KAZN: variants seen among roughly 807,000 people sequenced by gnomAD.
KAZN encodes kazrin, periplakin interacting protein.
KAZN carries 40 observed loss-of-function variants against 87.4 expected under a neutral mutation model. That is an observed-to-expected ratio of 0.46 (90% CI 0.36 to 0.60). The LOEUF is 0.60. Among genes scored for constraint, KAZN ranks in the 20% least tolerant of loss-of-function variants. KAZN has a pLI of 0.00. For missense variants in KAZN, 898 were observed against 1,073.9 expected (o/e 0.84, Z 2.29); for synonymous variants, 466 against 458.3 (o/e 1.02, Z -0.22).
chr1:14,603,708 A>G (rs1220659873), intron 1 of KAZN, among the ~76,000 whole-genome samples: 1 of 152,138 alleles, frequency 6.6e-6, no homozygotes, highest in Non-Finnish European at 1.5e-5. Context: ...TTCCAGGGTA[A>G]GGCATGATAG....
intron 3 of KAZN, among the ~76,000 whole-genome samples, chr1:15,036,355 C>T (rs775185431): frequency 8.9e-4 from 129 of 144,386 alleles, no homozygotes; most frequent in Non-Finnish European, 1.4e-3. Context: ...CCTGCCTGCT[C>T]GGCCCAGCCC....
Position 14,945,597 on chromosome 1 carries a change from G to C in KAZN, c.227-15087G>C, listed in dbSNP as rs1661672520. On this transcript the variant is annotated intron_variant, in intron 1 of 14. Coordinates refer to ENST00000376030, the MANE Select transcript of KAZN (RefSeq NM_201628.3). ...CCCGGCTCCAGCTCCGGTGGGGAGA[G>C]CCTCAAACACTGCTCGTTAGTGACT... 2.0e-5 allele frequency among the ~76,000 whole-genome samples: 3 copies of C among 152,196 alleles called. No individual in the cohort carries two copies. The South Asian group carries it at 6.2e-4, about 32-fold the overall frequency.
chr1:14,342,607 T>G (rs1335748414), intron 2 of KAZN, among the ~76,000 whole-genome samples: 1 of 152,044 alleles, frequency 6.6e-6, no homozygotes, highest in Non-Finnish European at 1.5e-5. Context: ...CCGAACCCAA[T>G]GCTTGGCACA....
chr1:14,138,411 G>T (rs890138936), intron 1 of KAZN, among the ~76,000 whole-genome samples: 12 of 152,152 alleles, frequency 7.9e-5, no homozygotes, highest in Non-Finnish European at 1.6e-4. Flanking sequence ...ACTCTTAGAA[G>T]TTAAGAAAGT....
chr1:14,844,701 C>T (rs936366701), intron 1 of KAZN, among the ~76,000 whole-genome samples: 5 of 152,116 alleles, frequency 3.3e-5, no homozygotes, highest in Non-Finnish European at 5.9e-5. Context: ...AATGATGCTA[C>T]TTTCAGTCTC....
intron 2 of KAZN, among the ~76,000 whole-genome samples, chr1:14,266,888 TTTATTA>T (rs942952765): frequency 2.0e-5 from 3 of 151,940 alleles, no homozygotes; most frequent in Non-Finnish European, 2.9e-5. Context: ...TTCTTTTTAT[TTTATTA>T]TTATTATTAT....
At chr1:14,635,565 GC>G (rs1207847764) in intron 1 of KAZN, among the ~76,000 whole-genome samples, 1 of 152,146 alleles carries the variant, frequency 6.6e-6, no homozygotes, top group Non-Finnish European at 1.5e-5. Flanking sequence ...GACTGCTACT[GC>G]TGCTGCTGTT....
chr1:14,092,953 A>G (rs550471197), intron 1 of KAZN, among the ~76,000 whole-genome samples: 1 of 152,304 alleles, frequency 6.6e-6, no homozygotes, highest in African/African-American at 2.4e-5. Context: ...TTGGCTATGC[A>G]TGTTCTTAGA....
At chr1:14,683,824 A>C (rs1237278099) in intron 1 of KAZN, among the ~76,000 whole-genome samples, 1 of 152,104 alleles carries the variant, frequency 6.6e-6, no homozygotes, top group Non-Finnish European at 1.5e-5. Flanking sequence ...TGAGACAGCC[A>C]TTATTTCTTC....
rs1263703809 is a variant in KAZN, at chr1:14,406,718, A to G, written c.250-192265A>G. On this transcript the variant is annotated intron_variant, in intron 2 of 16. Transcript: ENST00000636203. The stretch of plus-strand genomic sequence containing the variant: ...TTAAAAAATTAAAATGATTAAATAA[A>G]CAAGTATTAATCTCATCCTAAAACA... 3.3e-5 allele frequency among the ~76,000 whole-genome samples: 5 copies of G among 152,222 alleles called. No individual in the cohort carries two copies. In the East Asian group the frequency reaches 5.8e-4, roughly 18 times the overall value.
chr1:14,164,910 G>C (rs1459395397), intron 1 of KAZN, among the ~76,000 whole-genome samples: 1 of 152,172 alleles, frequency 6.6e-6, no homozygotes, highest in East Asian at 1.9e-4. Context: ...ATTGTAATTT[G>C]GGGGAGAAGT....
chr1:14,087,994 GTTTT>G (rs372871125), intron 1 of KAZN, among the ~76,000 whole-genome samples: 81 of 134,980 alleles, frequency 6.0e-4, no homozygotes, highest in African/African-American at 2.1e-3. Context: ...CCCTCTTGCT[GTTTT>G]TTTTTTTTTT....
In KAZN at chr1:14,709,164, T is replaced by C. The variant is rs116174640; in HGVS notation, c.226+109941T>C. On this transcript the variant is annotated intron_variant, in intron 1 of 14. Transcript: ENST00000376030. ...ACAGATGAATCGGAGGCACGAAGCC[T>C]TTGTTATTTCCCCAAAGGCACACAC... 6.9e-3 allele frequency among the ~76,000 whole-genome samples: 1,049 copies of C among 152,290 alleles called. 10 individuals are homozygous for C. The highest frequency in any genetic ancestry group is 0.024 in the African/African-American group (982 of 41,556).
At chr1:14,977,882 T>C (rs990283205) in intron 2 of KAZN, among the ~76,000 whole-genome samples, 2 of 136,080 alleles carry the variant, frequency 1.5e-5, no homozygotes, top group Non-Finnish European at 3.1e-5. Context: ...GGGGTGCACG[T>C]CTTTTTTTTT....
At chr1:14,796,986 G>C (rs142479486) in intron 1 of KAZN, among the ~76,000 whole-genome samples, 1 of 152,344 alleles carries the variant, frequency 6.6e-6, no homozygotes, top group Non-Finnish European at 1.5e-5. Context: ...CTATGTTGAT[G>C]TATCATTTGG....
Position 14,735,667 on chromosome 1 carries a change from T to C in KAZN, c.226+136444T>C, listed in dbSNP as rs2100394389. Among the ~76,000 whole-genome samples the C allele has an allele frequency of 6.6e-6, 1 of 152,302 alleles. No individual in the cohort carries two copies. The highest frequency in any genetic ancestry group is 2.4e-5 in the African/African-American group (1 of 41,574). The stretch of plus-strand genomic sequence containing the variant: ...AAGCAGCAGGAGACACACAAGCTAC[T>C]TACCGGCCAGTTTCCATTACTCTCC... On this transcript the variant is annotated intron_variant, in intron 1 of 14. Transcript: ENST00000376030. The surrounding 1 kb of genome is among the most constrained non-coding windows in gnomAD (Gnocchi z 4.3).
At chr1:14,331,845 A>G (rs1186148533) in intron 2 of KAZN, among the ~76,000 whole-genome samples, 2 of 152,120 alleles carry the variant, frequency 1.3e-5, no homozygotes, top group Non-Finnish European at 2.9e-5. Context: ...TTGCATTTGT[A>G]TGCACGCTTT....
At chr1:14,221,616 C>T (rs193220723) in intron 2 of KAZN, among the ~76,000 whole-genome samples, 47 of 152,184 alleles carry the variant, frequency 3.1e-4, no homozygotes, top group East Asian at 1.5e-3. Context: ...AATCCTGTTA[C>T]GAGTCACCAT....
intron 1 of KAZN, among the ~76,000 whole-genome samples, chr1:14,082,035 AAAG>A (rs1643692598): frequency 6.6e-6 from 1 of 152,052 alleles, no homozygotes; most frequent in Non-Finnish European, 1.5e-5. Context: ...TCTGCCTCTC[AAAG>A]TGCTGGGATT....
Sources: allele counts gnomAD v4.1 joint callset (sites outside exome capture counted in the v4.1 genomes callset), GRCh38; gene constraint gnomAD v4.1.1; non-coding constraint Gnocchi (gnomAD v3.1); transcripts MANE v1.5; gene names NCBI Gene and HGNC (gene_info 2026-07-23, HGNC 2026-07-21).